CDH2: variants seen among roughly 807,000 people sequenced by gnomAD.
CDH2 encodes the protein cadherin-2.
In CDH2, 17 loss-of-function variants were observed where a neutral mutation model predicts 92.0. That is an observed-to-expected ratio of 0.18 (90% CI 0.13 to 0.28). The LOEUF (loss-of-function observed/expected upper bound fraction) is 0.28. Ranked by LOEUF, CDH2 falls within the 10% of genes least tolerant of loss-of-function variation. The pLI is 1.00. For synonymous variants in CDH2, 419 were observed against 415.9 expected, an observed-to-expected ratio of 1.01 and a Z score of -0.09; for missense variants, 862 against 1,133.1, an observed-to-expected ratio of 0.76 and a Z score of 3.44.
In CDH2 at chr18:28,170,479, A is replaced by C. The variant is rs558326344; in HGVS notation, c.60+6484T>G. 5.3e-5 allele frequency among the ~76,000 whole-genome samples: 8 copies of C among 152,184 alleles called. No individual in the cohort carries two copies. The South Asian group carries it at 1.7e-3, about 32-fold the overall frequency. On this transcript the variant is annotated intron_variant, in intron 1 of 15. Coordinates refer to ENST00000269141, the MANE Select transcript of CDH2 (RefSeq NM_001792.5). The stretch of plus-strand genomic sequence containing the variant: ...TCCTGCCTCAGCCTTCCAAGCACCT[A>C]AGATTACGGGTGCCTACCATCATGC...
chr18:28,176,389 G>A (rs1400013469), intron 1 of CDH2, among the ~76,000 whole-genome samples: 1 of 152,028 alleles, frequency 6.6e-6, no homozygotes, highest in Non-Finnish European at 1.5e-5. Flanking sequence ...ATATTGTGAG[G>A]GCAAGAGAAG....
At chr18:28,050,842 CA>C (rs1405729257) in intron 2 of CDH2, among the ~76,000 whole-genome samples, 1 of 152,108 alleles carries the variant, frequency 6.6e-6, no homozygotes, top group Non-Finnish European at 1.5e-5. Context: ...CTAAGATAGT[CA>C]TAAGTTTTAG....
chr18:28,101,521 C>T lies in CDH2; in HGVS notation c.172+46152G>A, dbSNP rs551898412. The stretch of plus-strand genomic sequence containing the variant: ...CTCCAAAAGCCACCTGGGGACTTGA[C>T]TGTAACTACACTTGTGATTTATAAA... On this transcript the variant is annotated intron_variant, in intron 2 of 15. Coordinates refer to ENST00000269141, the MANE Select transcript of CDH2 (RefSeq NM_001792.5). Among the ~76,000 whole-genome samples the T allele has an allele frequency of 1.8e-4, 27 of 152,282 alleles. 1 individual carries two copies. The highest frequency in any genetic ancestry group is 9.8e-4 in the Admixed American group (15 of 15,274).
In CDH2 at chr18:28,105,016, G is replaced by A. The variant is rs573527727; in HGVS notation, c.172+42657C>T. Among the ~76,000 whole-genome samples the A allele has an allele frequency of 2.6e-5, 4 of 151,932 alleles. No individual in the cohort carries two copies. The South Asian group carries it at 6.2e-4, about 24-fold the overall frequency. On this transcript the variant is annotated intron_variant, in intron 2 of 15. Transcript: ENST00000269141. ...TGTTTATTGAAGAAAATTTTCAATG[G>A]TAAAACACTTGATCTAGAGCCAGAT...
At chr18:27,946,298 T>C (rs1359763857), downstream of CDH2, among the ~76,000 whole-genome samples, 1 of 151,844 alleles carries the variant, frequency 6.6e-6, no homozygotes, top group Non-Finnish European at 1.5e-5. Context: ...GTTCTCTTAA[T>C]AGAATAATAA....
intron 14 of CDH2, among the ~76,000 whole-genome samples, chr18:27,971,992 T>C (rs1047433387): frequency 6.6e-6 from 1 of 152,176 alleles, no homozygotes; most frequent in South Asian, 2.1e-4. Flanking sequence ...TTAGGTCTGG[T>C]TCCCGAGACT....
intron 6 of CDH2, among the ~76,000 whole-genome samples, chr18:27,943,482 T>A (rs1481282328): frequency 6.6e-6 from 1 of 152,234 alleles, no homozygotes; most frequent in East Asian, 1.9e-4. Context: ...CCAAAAAGCA[T>A]CAACGTAAAG....
intron 2 of CDH2, among the ~76,000 whole-genome samples, chr18:28,084,645 C>G (rs1263188918): frequency 6.6e-6 from 1 of 152,034 alleles, no homozygotes; most frequent in Non-Finnish European, 1.5e-5. Flanking sequence ...CTCTTACCAG[C>G]TTATGGGCCA....
At chr18:28,031,143 CA>C (rs1198497977) in intron 2 of CDH2, among the ~76,000 whole-genome samples, 3 of 151,584 alleles carry the variant, frequency 2.0e-5, no homozygotes, top group Admixed American at 6.6e-5. Flanking sequence ...ATAAGCAACT[CA>C]AACTACAGAG....
chr18:28,130,103 C>T (rs563084348), intron 2 of CDH2, among the ~76,000 whole-genome samples: 28 of 152,130 alleles, frequency 1.8e-4, no homozygotes, highest in Non-Finnish European at 3.5e-4. Context: ...CATAAAGAAA[C>T]TAATTCACGT....
intron 2 of CDH2, among the ~76,000 whole-genome samples, chr18:28,069,180 C>A (rs2144163212): frequency 6.6e-6 from 1 of 152,246 alleles, no homozygotes; most frequent in East Asian, 1.9e-4. Context: ...AAGTTTTACA[C>A]CTATCTTTAT....
At chr18:28,002,833 T>C (rs1426800969) in intron 7 of CDH2, among the ~76,000 whole-genome samples, 164 bp downstream of exon 7, 1 of 152,202 alleles carries the variant, frequency 6.6e-6, no homozygotes, top group East Asian at 1.9e-4. Flanking sequence ...TTTAACCAAT[T>C]TGAAGCTCTG....
chr18:28,082,837 C>T (rs2014856947), intron 2 of CDH2, among the ~76,000 whole-genome samples: 1 of 152,242 alleles, frequency 6.6e-6, no homozygotes, highest in African/African-American at 2.4e-5. Flanking sequence ...GAGTTAATAT[C>T]ATCTCTTAAG....
chr18:27,985,838 G>A lies in CDH2; in HGVS notation c.1742-77C>T, dbSNP rs144095909. The A allele has an allele frequency of 4.7e-4, 402 of 851,250 alleles. 1 individual carries two copies. In the African/African-American group the frequency reaches 5.9e-3, roughly 13 times the overall value. 52.7% of individuals were successfully genotyped at this position (851,250 alleles called of 1,614,324 possible). On this transcript the variant is annotated intron_variant, in intron 11 of 15. Transcript: ENST00000269141. ...CCTCAATTATGGTGAAATTCTCAAA[G>A]CTTCTAACCTTCTGGCCCTTTTAAC...
intron 2 of CDH2, among the ~76,000 whole-genome samples, chr18:28,069,545 C>T (rs1435337917): frequency 1.3e-5 from 2 of 152,092 alleles, no homozygotes; most frequent in Non-Finnish European, 2.9e-5. Context: ...GGTACCTTAG[C>T]CTTTTTCAGG....
intron 11 of CDH2, among the ~76,000 whole-genome samples, chr18:27,987,592 T>G (rs2012275952): frequency 6.6e-6 from 1 of 152,234 alleles, no homozygotes; most frequent in African/African-American, 2.4e-5. Flanking sequence ...TTCATATTCA[T>G]AGTTTAATAC....
chr18:28,027,946 C>A (rs996457497), intron 2 of CDH2, among the ~76,000 whole-genome samples: 1 of 151,786 alleles, frequency 6.6e-6, no homozygotes, highest in African/African-American at 2.4e-5. Flanking sequence ...GTAGAAGCTC[C>A]CTTTTCCCAA....
intron 2 of CDH2, among the ~76,000 whole-genome samples, chr18:28,067,953 T>C (rs541381530): frequency 1.3e-3 from 202 of 152,356 alleles, no homozygotes; most frequent in Middle Eastern, 6.8e-3. Context: ...TAGAAACTGA[T>C]GTTTATAATG....
chr18:28,055,150 T>A (rs536057750), intron 2 of CDH2, among the ~76,000 whole-genome samples: 2 of 152,234 alleles, frequency 1.3e-5, no homozygotes, highest in East Asian at 3.9e-4. Flanking sequence ...AGACATGTCT[T>A]AAATGGGGGC....
Sources: allele counts gnomAD v4.1 joint callset (sites outside exome capture counted in the v4.1 genomes callset), GRCh38; gene constraint gnomAD v4.1.1; transcripts MANE v1.5; gene names NCBI Gene and HGNC (gene_info 2026-07-23, HGNC 2026-07-21).